CNTN5: variants seen among roughly 807,000 people sequenced by gnomAD.
CNTN5 encodes contactin 5.
In CNTN5, 77 loss-of-function variants were observed where a neutral mutation model predicts 129.1. That is an observed-to-expected ratio of 0.60 (90% CI 0.50 to 0.72). The LOEUF (loss-of-function observed/expected upper bound fraction) is 0.72, where lower values mean the gene tolerates loss of function less well. Ranked by LOEUF, CNTN5 falls within the 30% of genes least tolerant of loss-of-function variation. CNTN5 has a pLI of 0.00. For synonymous variants in CNTN5, 509 were observed against 465.6 expected (o/e 1.09, Z -1.20); for missense variants, 1,478 against 1,328.8 (o/e 1.11, Z -1.75).
At chr11:99,127,722 A>G (rs886145050) in intron 1 of CNTN5, among the ~76,000 whole-genome samples, 4 of 152,112 alleles carry the variant, frequency 2.6e-5, no homozygotes, top group Admixed American at 6.5e-5. Context: ...CCTCTGCACT[A>G]TATTAATTGT....
chr11:99,468,025 T>A (rs1190660066), intron 2 of CNTN5, among the ~76,000 whole-genome samples: 1 of 152,166 alleles, frequency 6.6e-6, no homozygotes, highest in African/African-American at 2.4e-5. Context: ...GCTCTTAGTG[T>A]TGAGATATCT....
intron 13 of CNTN5, among the ~76,000 whole-genome samples, chr11:100,122,946 A>C (rs1011952619): frequency 6.6e-6 from 1 of 152,070 alleles, no homozygotes. Flanking sequence ...CCAAAGGAAA[A>C]TTATTGAATA....
chr11:100,151,547 C>A (rs1216191347), intron 13 of CNTN5, among the ~76,000 whole-genome samples: 1 of 152,130 alleles, frequency 6.6e-6, no homozygotes. Context: ...AGGTATACTC[C>A]TAACGGGGCA....
chr11:100,228,938 C>A (rs1467969756), intron 16 of CNTN5, among the ~76,000 whole-genome samples: 3 of 152,020 alleles, frequency 2.0e-5, no homozygotes, highest in Non-Finnish European at 4.4e-5. Context: ...AACACAGGAC[C>A]CCTTGTTCAA....
chr11:100,036,026 A>T (rs1941976787), intron 9 of CNTN5, among the ~76,000 whole-genome samples: 1 of 152,062 alleles, frequency 6.6e-6, no homozygotes, highest in Admixed American at 6.6e-5. Context: ...GGTGTTTGAG[A>T]CGTGAAGTCC....
chr11:99,275,822 C>T (rs1863400915), intron 1 of CNTN5, among the ~76,000 whole-genome samples: 2 of 151,790 alleles, frequency 1.3e-5, no homozygotes, highest in African/African-American at 2.4e-5. Flanking sequence ...TAGTCTCAGA[C>T]TGGCATGATA....
chr11:99,312,825 T>TTC (rs1555108529), intron 1 of CNTN5, among the ~76,000 whole-genome samples: 2 of 151,378 alleles, frequency 1.3e-5, no homozygotes, highest in African/African-American at 4.9e-5. Context: ...TTTTTTTTTT[T>TTC]CCCCAGGAGC....
chr11:99,330,549 G>A (rs534344532), intron 2 of CNTN5, among the ~76,000 whole-genome samples: 167 of 152,230 alleles, frequency 1.1e-3, no homozygotes, highest in Non-Finnish European at 2.0e-3. Flanking sequence ...TAGAAGGCCA[G>A]GGACTCTGAT....
intron 2 of CNTN5, among the ~76,000 whole-genome samples, chr11:99,507,653 A>G (rs1033074105): frequency 3.3e-5 from 5 of 152,184 alleles, no homozygotes; most frequent in Admixed American, 1.3e-4. Context: ...GATATGGAAT[A>G]TTTACATTTT....
At chr11:100,038,333 C>G (rs1273757383) in intron 9 of CNTN5, among the ~76,000 whole-genome samples, 1 of 152,102 alleles carries the variant, frequency 6.6e-6, no homozygotes, top group Non-Finnish European at 1.5e-5. Flanking sequence ...GTCTGAGAGA[C>G]AGTTTGTTAT....
At chr11:99,169,472 T>A (rs557500066) in intron 1 of CNTN5, among the ~76,000 whole-genome samples, 27 of 152,116 alleles carry the variant, frequency 1.8e-4, no homozygotes, top group African/African-American at 6.0e-4. Context: ...GATAACACTT[T>A]AAGAAATATG....
At chr11:99,251,891 A>G (rs1013917675) in intron 1 of CNTN5, among the ~76,000 whole-genome samples, 1 of 152,156 alleles carries the variant, frequency 6.6e-6, no homozygotes, top group Admixed American at 6.6e-5. Flanking sequence ...GATAAATATG[A>G]TAGATAAAGG....
Position 100,308,441 on chromosome 11 carries a change from G to C in CNTN5, c.2703G>C (p.Glu901Asp). The C allele has an allele frequency of 6.2e-7, 1 of 1,610,730 alleles. No homozygotes were observed. The highest frequency in any genetic ancestry group is 8.5e-7 in the Non-Finnish European group (1 of 1,177,772). ...EILVAWKHIK[E>D]SLGRPQGFEV... ...TTGTTGCATGGAAACACATTAAAGA[G>C]AGTCTAGGAAGACCACAGGGATTTG... is the stretch of plus-strand genomic sequence containing the variant. Residue 901 changes from glutamate to aspartate, a missense_variant, in exon 21 of 25, where the codon GAG becomes GAC. Physicochemically the swap from Glu to Asp is conservative, Grantham distance 45. Transcript: ENST00000524871.
intron 1 of CNTN5, among the ~76,000 whole-genome samples, chr11:99,063,662 C>T (rs1424099840): frequency 6.6e-6 from 1 of 152,044 alleles, no homozygotes; most frequent in East Asian, 1.9e-4. Flanking sequence ...AACATGTCTC[C>T]TCCTCTTGAC....
intron 1 of CNTN5, among the ~76,000 whole-genome samples, chr11:99,184,557 A>C (rs2135574183): frequency 6.6e-6 from 1 of 152,174 alleles, no homozygotes; most frequent in African/African-American, 2.4e-5. Flanking sequence ...GTTTTAACAT[A>C]TTTGCCCTCT....
chr11:99,371,090 C>T (rs1445642466), intron 2 of CNTN5, among the ~76,000 whole-genome samples: 1 of 152,018 alleles, frequency 6.6e-6, no homozygotes, highest in Non-Finnish European at 1.5e-5. Flanking sequence ...TATTTTTGCT[C>T]ATTTGTTTGT....
chr11:99,585,129 A>G (rs1175920221), intron 3 of CNTN5, among the ~76,000 whole-genome samples: 4 of 152,242 alleles, frequency 2.6e-5, no homozygotes, highest in Non-Finnish European at 5.9e-5. Flanking sequence ...ACATGGATAA[A>G]AGATCTAATC....
chr11:99,197,420 A>G (rs139530485), intron 1 of CNTN5, among the ~76,000 whole-genome samples: 66 of 152,198 alleles, frequency 4.3e-4, no homozygotes, highest in African/African-American at 1.6e-3. Context: ...TTAAGCTTGT[A>G]ATTCTCCAAA....
In CNTN5 at chr11:99,894,182, A is replaced by T. The variant is rs562570657; in HGVS notation, c.578-21872A>T. Among the ~76,000 whole-genome samples, 32 of 152,288 alleles carry T rather than the reference A, an allele frequency of 2.1e-4. No homozygotes were observed. In the South Asian group the frequency reaches 5.6e-3, roughly 27 times the overall value. ...TTTTCTGGAGCCAAATATATTGCTC[A>T]TGGTGGCATAGTTCACATTTCAACC... On this transcript the variant is annotated intron_variant, in intron 6 of 24. Transcript: ENST00000524871.
Sources: gnomAD v4.1 joint callset for allele counts (sites outside exome capture counted in the v4.1 genomes callset) on GRCh38, gnomAD v4.1.1 for gene constraint, MANE v1.5 for transcripts, NCBI Gene and HGNC (gene_info 2026-07-23, HGNC 2026-07-21) for gene names.